The following RAB40B variants were observed in gnomAD, a reference collection of about 807,000 sequenced individuals.
RAB40B encodes ras-related protein Rab-40B.
A neutral mutation model predicts 24.0 loss-of-function variants in RAB40B; 21 were observed. The observed-to-expected ratio is 0.88, with a 90% CI of 0.62 to 1.26. RAB40B has a LOEUF of 1.26. Ranked by LOEUF, RAB40B falls within the 50% of genes most tolerant of loss-of-function variation. The pLI is 0.00. For missense variants in RAB40B, 348 were observed against 390.5 expected (o/e 0.89, Z 0.92); for synonymous variants, 167 against 169.8 (o/e 0.98, Z 0.13).
rs565183479 is a variant in RAB40B at position 82,663,444 on chromosome 17, G to A, written c.203+1052C>T. Among the ~76,000 whole-genome samples the A allele has an allele frequency of 6.6e-6, 1 of 152,198 alleles. No homozygotes were observed. Among genetic ancestry groups the A allele is most frequent in the African/African-American group, 2.4e-5 (1 of 41,540 alleles). ...GGAGCCCCCCATCCCCACCGCCCCA[G>A]AGCTGGAACCGCAGGAGCTCCCCCC... On this transcript the variant is annotated intron_variant, in intron 2 of 5. Coordinates refer to ENST00000571995, the MANE Select transcript of RAB40B (RefSeq NM_006822.3). This position sits in a 1 kb window ranked among gnomAD's most constrained non-coding sequence, Gnocchi z 6.2.
chr17:82,659,729 C>T (rs2046137880), intron 3 of RAB40B, 72 bp from the exon 4 acceptor site: 1 of 1,201,252 alleles, frequency 8.3e-7, no homozygotes, highest in African/African-American at 1.5e-5. Flanking sequence ...CACGCAAAGA[C>T]ATACAACTAA....
rs565921261 is a variant in RAB40B, at chr17:82,656,823, G to A, written c.*1040C>T. The A allele has an allele frequency of 6.6e-6, 1 of 152,372 alleles. No individual in the cohort carries two copies. The highest frequency in any genetic ancestry group is 2.1e-4 in the South Asian group (1 of 4,826). 9.4% of individuals were successfully genotyped at this position (152,372 alleles called of 1,614,324 possible). ...GAGGTTAGGAGTTCAACACCAGCCT[G>A]ACCAACATGGTGAAACCCCATCTCT... On this transcript the variant is annotated 3_prime_UTR_variant, in exon 6 of 6. Transcript: ENST00000571995.
intron 1 of RAB40B, among the ~76,000 whole-genome samples, chr17:82,689,287 G>A (rs868165956): frequency 3.3e-5 from 5 of 152,370 alleles, no homozygotes; most frequent in Middle Eastern, 3.4e-3. Context: ...CTCCAGCTGC[G>A]TCCACTCTGC....
intron 1 of RAB40B, among the ~76,000 whole-genome samples, chr17:82,695,093 A>G (rs1401474820): frequency 2.6e-5 from 4 of 151,890 alleles, no homozygotes; most frequent in Non-Finnish European, 4.4e-5. Flanking sequence ...AAACCTGGAC[A>G]ATATAAAAAT....
At chr17:82,670,311 T>C (rs1173588838) in intron 1 of RAB40B, among the ~76,000 whole-genome samples, 5 of 150,994 alleles carry the variant, frequency 3.3e-5, no homozygotes, top group African/African-American at 9.8e-5. Context: ...CAGCGTCCCG[T>C]GTAGCTGGAA....
intron 1 of RAB40B, among the ~76,000 whole-genome samples, chr17:82,694,548 T>C (rs925288908): frequency 4.2e-5 from 6 of 142,228 alleles, no homozygotes; most frequent in African/African-American, 1.3e-4. Flanking sequence ...AAAAAATACA[T>C]ACACACACAC....
rs750932758 is a variant in RAB40B, at chr17:82,657,904, G to T, written c.796C>A (p.Pro266Thr). 3.1e-6 allele frequency: 5 copies of T among 1,605,552 alleles called. No homozygotes were observed. The Admixed American group carries it at 6.7e-5, about 22-fold the overall frequency. Residue 266 changes from proline (P) to threonine (T), a missense_variant, in exon 6 of 6, where the codon CCC becomes ACC. Pro to Thr is a conservative substitution (Grantham distance 38). Around this residue, in one of 3 missense-constraint regions of RAB40B, gnomAD observed 121 missense variants for 124.0 expected, o/e 0.98. Transcript: ENST00000571995. ...CTGTTTCTGGTGCAGTTTTTGGGGG[G>T]GCTCTGGGGGGGGCGGACGAGCTTC... ...KVKLVRPPQS[P>T]PKNCTRNSCK...
rs749591374 is a variant in RAB40B, at chr17:82,658,564, T to G, written c.492A>C (p.Thr164=). 1 of 1,613,342 alleles carries G rather than the reference T, an allele frequency of 6.2e-7. No individual in the cohort carries two copies. Among genetic ancestry groups the G allele is most frequent in the African/African-American group, 1.3e-5 (1 of 74,666 alleles). Reference sequence around the variant, plus strand: ...TCCTGGCCAGCTCCGTGAACGACTCTGTGATGTTGAAATTGCACAGAGGGC... The same window carrying G: ...TCCTGGCCAGCTCCGTGAACGACTCGGTGATGTTGAAATTGCACAGAGGGC... ...EVSPLCNFNI[T]ESFTELARIV... The change falls in exon 5 of 6, where the codon ACA becomes ACC. Residue 164 remains threonine, a synonymous_variant. Coordinates refer to ENST00000571995, the MANE Select transcript of RAB40B (RefSeq NM_006822.3).
chr17:82,655,809 G>T lies in RAB40B; in HGVS notation c.*2054C>A, dbSNP rs953498467. ...CTGCCTCCCCGTGGACTTTGTCCCCGTGGCTGCCGTGCCCAGGTGGCCAGA... is the reference window on the plus strand; with the variant it reads ...CTGCCTCCCCGTGGACTTTGTCCCCTTGGCTGCCGTGCCCAGGTGGCCAGA... On this transcript the variant is annotated 3_prime_UTR_variant, in exon 6 of 6. Transcript: ENST00000571995. The T allele has an allele frequency of 6.6e-6, 1 of 152,118 alleles. No homozygotes were observed. The highest frequency in any genetic ancestry group is 2.4e-5 in the African/African-American group (1 of 41,366). The allele number at this position is 152,118 out of a possible 1,614,324, so 9.4% of individuals were successfully genotyped here.
chr17:82,659,741 T>TAACC (rs1365661263), intron 3 of RAB40B, 84 bp from the exon 4 acceptor site: 2 of 1,042,056 alleles, frequency 1.9e-6, no homozygotes, highest in African/African-American at 3.2e-5. Context: ...TACAACTAAA[T>TAACC]AACCACTTTC....
intron 1 of RAB40B, among the ~76,000 whole-genome samples, chr17:82,684,019 G>A (rs1469437480): frequency 2.6e-5 from 4 of 151,776 alleles, no homozygotes; most frequent in African/African-American, 9.7e-5. Flanking sequence ...TCAGGAGTTC[G>A]AGACCAGCCT....
chr17:82,664,005 CG>C (rs1168104167), intron 2 of RAB40B, among the ~76,000 whole-genome samples: 1 of 129,620 alleles, frequency 7.7e-6, no homozygotes, highest in Non-Finnish European at 1.6e-5. Context: ...AGGGTGTTCC[CG>C]GGGGCGCTGT....
intron 1 of RAB40B, among the ~76,000 whole-genome samples, chr17:82,685,240 GA>G (rs2046486694): frequency 7.3e-6 from 1 of 137,688 alleles, no homozygotes; most frequent in African/African-American, 2.7e-5. Context: ...GAGGACGGAG[GA>G]GGGAGGGGGA....
At chr17:82,671,443 TAA>T (rs2046333732) in intron 1 of RAB40B, among the ~76,000 whole-genome samples, 5 of 98,250 alleles carry the variant, frequency 5.1e-5, no homozygotes, top group African/African-American at 2.0e-4. Flanking sequence ...CTCCCTGTAC[TAA>T]CTGACACACC....
intron 1 of RAB40B, among the ~76,000 whole-genome samples, chr17:82,672,684 G>A (rs990644878): frequency 6.6e-6 from 1 of 152,190 alleles, no homozygotes; most frequent in Non-Finnish European, 1.5e-5. Context: ...AGGTTATGAC[G>A]CAGCAGGAGG....
chr17:82,663,303 C>T lies in RAB40B; in HGVS notation c.203+1193G>A, dbSNP rs1026494881. 2.0e-5 allele frequency among the ~76,000 whole-genome samples: 3 copies of T among 151,956 alleles called. No homozygotes were observed. Among genetic ancestry groups the T allele is most frequent in the African/African-American group, 7.3e-5 (3 of 41,346 alleles). Reference sequence around the variant, plus strand: ...CCAGCTGCTGGAGGCACACGTGGCTCGGGGGTGGCCCAGCAGGCAGGAAGG... The same window carrying T: ...CCAGCTGCTGGAGGCACACGTGGCTTGGGGGTGGCCCAGCAGGCAGGAAGG... On this transcript the variant is annotated intron_variant, in intron 2 of 5. Coordinates refer to ENST00000571995, the MANE Select transcript of RAB40B (RefSeq NM_006822.3). The surrounding 1 kb of genome is among the most constrained non-coding windows in gnomAD (Gnocchi z 6.2).
Position 82,681,483 on chromosome 17 carries a change from C to G in RAB40B, c.143-16927G>C, listed in dbSNP as rs1174923839. Among the ~76,000 whole-genome samples, 6 of 152,192 alleles carry G rather than the reference C, an allele frequency of 3.9e-5. No individual in the cohort carries two copies. The East Asian group carries it at 1.2e-3, about 29-fold the overall frequency. ...ATGAGCACAGCCTCACTCAGCAACC[C>G]AGGCTCTGAGTGCGAAACAAGCAAC... On this transcript the variant is annotated intron_variant, in intron 1 of 5. Coordinates refer to ENST00000571995, the MANE Select transcript of RAB40B (RefSeq NM_006822.3).
rs1048881119 is a variant in RAB40B at position 82,658,379 on chromosome 17, A to G, written c.565+112T>C. On this transcript the variant is annotated intron_variant, in intron 5 of 5. Transcript: ENST00000571995. Reference sequence around the variant, plus strand: ...CTCAAATGCCTTGCTCTGAGAACGGACACAGTGGCCTTGAGACGGGTCCCG... The same window carrying G: ...CTCAAATGCCTTGCTCTGAGAACGGGCACAGTGGCCTTGAGACGGGTCCCG... 7 of 1,275,996 alleles carry G rather than the reference A, an allele frequency of 5.5e-6. No individual in the cohort carries two copies. The African/African-American group carries it at 7.4e-5, about 13-fold the overall frequency. The allele number at this position is 1,275,996 out of a possible 1,614,324, so 79.0% of individuals were successfully genotyped here.
intron 1 of RAB40B, among the ~76,000 whole-genome samples, chr17:82,671,304 C>T (rs1328650371): frequency 6.6e-6 from 1 of 151,792 alleles, no homozygotes; most frequent in Non-Finnish European, 1.5e-5. Flanking sequence ...ACACTTCACC[C>T]CGTAACTCTA....
Sources: allele counts gnomAD v4.1 joint callset (sites outside exome capture counted in the v4.1 genomes callset), GRCh38; gene constraint gnomAD v4.1.1; regional missense constraint gnomAD v4.1.1; non-coding constraint Gnocchi (gnomAD v3.1); transcripts MANE v1.5; gene names NCBI Gene and HGNC (gene_info 2026-07-23, HGNC 2026-07-21).